Variants in ARHGAP28 observed in about 807,000 individuals in gnomAD.
ARHGAP28 encodes the protein Rho GTPase activating protein 28.
Under a neutral mutation model 90.7 loss-of-function variants are expected in ARHGAP28, and 56 were observed. The observed-to-expected ratio is 0.62, with a 90% CI of 0.50 to 0.77. The LOEUF (loss-of-function observed/expected upper bound fraction) is 0.77, where lower values mean the gene tolerates loss of function less well. Among genes scored for constraint, ARHGAP28 ranks in the 30% least tolerant of loss-of-function variants. The pLI is 0.00. For missense variants in ARHGAP28, 869 were observed against 900.9 expected (o/e 0.96, Z 0.45); for synonymous variants, 308 against 323.3 (o/e 0.95, Z 0.51).
intron 1 of ARHGAP28, among the ~76,000 whole-genome samples, chr18:6,823,140 C>G (rs9956412): frequency 0.71 from 108,556 of 151,874 alleles, 39,066 homozygotes; most frequent in Non-Finnish European, 0.77. Flanking sequence ...AACCCAAAGA[C>G]AAGAAGGCAA....
chr18:6,814,165 T>C (rs1296240611), intron 1 of ARHGAP28, among the ~76,000 whole-genome samples: 5 of 152,078 alleles, frequency 3.3e-5, no homozygotes, highest in African/African-American at 1.2e-4. Flanking sequence ...TCACCCCTCA[T>C]AGAATTTAAT....
chr18:6,872,690 C>A (rs1004389082), intron 7 of ARHGAP28, among the ~76,000 whole-genome samples: 1 of 152,042 alleles, frequency 6.6e-6, no homozygotes, highest in Admixed American at 6.5e-5. Context: ...AAATTCTTCA[C>A]AATATTTCTG....
At chr18:6,847,806 A>G (rs2056878231) in intron 3 of ARHGAP28, among the ~76,000 whole-genome samples, 1 of 152,214 alleles carries the variant, frequency 6.6e-6, no homozygotes, top group Non-Finnish European at 1.5e-5. Flanking sequence ...CACAGGATGC[A>G]GCAAATAGTC....
At chr18:6,850,846 T>G (rs1381331329) in intron 3 of ARHGAP28, 188 bp from the exon 4 acceptor site, 1 of 1,522,900 alleles carries the variant, frequency 6.6e-7, no homozygotes, top group Non-Finnish European at 8.7e-7. Flanking sequence ...ACATGGCATT[T>G]ATGAGGATCA....
chr18:6,764,484 A>G (rs917645165), intron 1 of ARHGAP28, among the ~76,000 whole-genome samples: 4 of 152,156 alleles, frequency 2.6e-5, no homozygotes, highest in Admixed American at 2.6e-4. Context: ...GTGTTGTTAG[A>G]GTTCAGAGGA....
chr18:6,743,303 T>A (rs2055995387), intron 1 of ARHGAP28, among the ~76,000 whole-genome samples: 2 of 152,194 alleles, frequency 1.3e-5, no homozygotes, highest in Non-Finnish European at 2.9e-5. Flanking sequence ...ATTCTTAGCC[T>A]CAAAATAATA....
intron 2 of ARHGAP28, among the ~76,000 whole-genome samples, chr18:6,828,504 A>T (rs112804514): frequency 0.023 from 3,521 of 152,330 alleles, 148 homozygotes; most frequent in African/African-American, 0.08. Flanking sequence ...GCCAAGACTG[A>T]TGTCAGGAAG....
At chr18:6,759,936 G>T (rs557891367) in intron 1 of ARHGAP28, among the ~76,000 whole-genome samples, 84 of 152,290 alleles carry the variant, frequency 5.5e-4, no homozygotes, top group South Asian at 2.9e-3. Context: ...TATGCTAATT[G>T]TTGGCTATTT....
chr18:6,776,928 G>A (rs1203764152), intron 1 of ARHGAP28, among the ~76,000 whole-genome samples: 2 of 152,114 alleles, frequency 1.3e-5, no homozygotes, highest in Admixed American at 6.6e-5. Context: ...GGGGGATAGC[G>A]GTGAGTTTGA....
intron 9 of ARHGAP28, among the ~76,000 whole-genome samples, chr18:6,875,729 T>C (rs997471494): frequency 2.9e-4 from 44 of 152,214 alleles, no homozygotes; most frequent in Admixed American, 2.7e-3. Context: ...AGAATTCCTA[T>C]AGTTTCTTAG....
intron 1 of ARHGAP28, among the ~76,000 whole-genome samples, chr18:6,766,083 A>T (rs1239951393): frequency 6.6e-6 from 1 of 152,188 alleles, no homozygotes; most frequent in Admixed American, 6.6e-5. Flanking sequence ...AATGTGTGGG[A>T]TGAAAGTAGT....
chr18:6,827,627 C>G (rs1375533519), intron 2 of ARHGAP28, among the ~76,000 whole-genome samples: 4 of 98,204 alleles, frequency 4.1e-5, no homozygotes, highest in Non-Finnish European at 8.7e-5. Context: ...GGCGGCTGGC[C>G]GGCAGGGGGG....
At chr18:6,808,642 T>C (rs569647905) in intron 1 of ARHGAP28, among the ~76,000 whole-genome samples, 29 of 152,222 alleles carry the variant, frequency 1.9e-4, no homozygotes, top group Non-Finnish European at 3.7e-4. Flanking sequence ...GCCTTCTTAG[T>C]AAGGCATGAG....
chr18:6,844,503 A>G (rs531131245), intron 3 of ARHGAP28, among the ~76,000 whole-genome samples: 6 of 152,354 alleles, frequency 3.9e-5, no homozygotes, highest in Admixed American at 6.5e-5. Context: ...ACGAGTGCAT[A>G]GGTAATCATA....
intron 1 of ARHGAP28, among the ~76,000 whole-genome samples, chr18:6,731,539 G>T (rs1156522118): frequency 6.6e-6 from 1 of 152,170 alleles, no homozygotes; most frequent in African/African-American, 2.4e-5. Flanking sequence ...ACGTGTCAGA[G>T]CTAGTATTTC....
Position 6,759,315 on chromosome 18 carries a change from G to A in ARHGAP28, c.122+29372G>A, listed in dbSNP as rs551895243. On this transcript the variant is annotated intron_variant, in intron 1 of 17. Coordinates refer to ENST00000383472, the MANE Select transcript of ARHGAP28 (RefSeq NM_001366230.1). ...GTAATCAAAAGGCAAGCCTAGAAAT[G>A]AATAAGGAAATTCTGCTTTTCACTT... 3.3e-5 allele frequency among the ~76,000 whole-genome samples: 5 copies of A among 152,146 alleles called. No homozygotes were observed. In the South Asian group the frequency reaches 1.0e-3, roughly 31 times the overall value.
At position 6,878,837 on chromosome 18, in the gene ARHGAP28, G is replaced by A. The variant is rs893633336; in HGVS notation, c.1290+2629G>A. 9.2e-5 allele frequency among the ~76,000 whole-genome samples: 14 copies of A among 152,340 alleles called. 1 individual carries two copies. The highest frequency in any genetic ancestry group is 2.0e-4 in the Admixed American group (3 of 15,306). On this transcript the variant is annotated intron_variant, in intron 10 of 17. Transcript: ENST00000383472. ...ACTGCCGTTAGAAAGACATTGAAACGTGATGCATTAAAGGGTTCTTTATTC... is the reference window on the plus strand; with the variant it reads ...ACTGCCGTTAGAAAGACATTGAAACATGATGCATTAAAGGGTTCTTTATTC...
At chr18:6,900,364 G>A (rs2057332007) in intron 16 of ARHGAP28, among the ~76,000 whole-genome samples, 1 of 152,062 alleles carries the variant, frequency 6.6e-6, no homozygotes, top group African/African-American at 2.4e-5. Context: ...TTTCTGACAA[G>A]AATTTTATAG....
intron 16 of ARHGAP28, chr18:6,898,584 T>G: frequency 1.2e-6 from 2 of 1,603,684 alleles, no homozygotes; most frequent in Non-Finnish European, 1.7e-6. Context: ...GGCAGTCATA[T>G]AGAGACTTGA....
Sources: gnomAD v4.1 joint callset for allele counts (sites outside exome capture counted in the v4.1 genomes callset) on GRCh38, gnomAD v4.1.1 for gene constraint, MANE v1.5 for transcripts, NCBI Gene and HGNC (gene_info 2026-07-23, HGNC 2026-07-21) for gene names.